CCDC90B: variants seen among roughly 807,000 people sequenced by gnomAD.
The protein encoded by CCDC90B is coiled-coil domain containing 90B, also known as coiled-coil domain-containing protein 90B, mitochondrial.
Under a neutral mutation model 37.0 loss-of-function variants are expected in CCDC90B, and 24 were observed. That is an observed-to-expected ratio of 0.65 (90% CI 0.47 to 0.91). The LOEUF is 0.91. Among genes scored for constraint, CCDC90B ranks in the 40% least tolerant of loss-of-function variants. The pLI, the probability that CCDC90B is intolerant of heterozygous loss-of-function variation, is 0.00. For missense variants in CCDC90B, 319 were observed against 299.0 expected (o/e 1.07, Z -0.49); for synonymous variants, 113 against 101.1 (o/e 1.12, Z -0.71).
chr11:83,261,818 T>TA lies in CCDC90B; in HGVS notation c.*92dup, dbSNP rs1565204955. 1.2e-6 allele frequency: 1 copy of TA among 843,442 alleles called. No individual in the cohort carries two copies. The highest frequency in any genetic ancestry group is 2.5e-5 in the East Asian group (1 of 39,726). The allele number at this position is 843,442 out of a possible 1,614,324, so 52.2% of individuals were successfully genotyped here. A position where few individuals can be genotyped will look rare whatever the true frequency, so the allele number is the denominator to read the frequency against. ...ATACACTTCGAATAATCTTGTGTAG[T>TA]AAATTTTTGCTGCAACTGACAATGT... On this transcript the variant is annotated 3_prime_UTR_variant, in exon 9 of 9. Coordinates refer to ENST00000529689, the MANE Select transcript of CCDC90B (RefSeq NM_021825.5).
Position 83,261,861 on chromosome 11 carries a change from C to A in CCDC90B, c.*50G>T. The A allele has an allele frequency of 7.5e-7, 1 of 1,328,962 alleles. No homozygotes were observed. The highest frequency in any genetic ancestry group is 1.1e-6 in the Non-Finnish European group (1 of 942,418). 82.3% of individuals were successfully genotyped at this position (1,328,962 alleles called of 1,614,324 possible). A position where few individuals can be genotyped will look rare whatever the true frequency, so the allele number is the denominator to read the frequency against. On this transcript the variant is annotated 3_prime_UTR_variant, in exon 9 of 9. Coordinates refer to ENST00000529689, the MANE Select transcript of CCDC90B (RefSeq NM_021825.5). ...GACAATGTTCAAAGTAAATCTCTCC[C>A]GGTTTGGTGTTCTAAGAAGCCAACA...
intron 8 of CCDC90B, among the ~76,000 whole-genome samples, chr11:83,265,067 C>G (rs1365605602): frequency 6.6e-6 from 1 of 151,888 alleles, no homozygotes; most frequent in Admixed American, 6.6e-5. Context: ...ATGTAACTAA[C>G]CTGCACATTG....
At chr11:83,285,264 C>A in intron 1 of CCDC90B, 1 of 1,277,760 alleles carries the variant, frequency 7.8e-7, no homozygotes, top group Non-Finnish European at 1.0e-6. Flanking sequence ...ACAACAAAAA[C>A]CTAGCCCTAG....
At chr11:83,283,459 A>G (rs1048208951) in intron 1 of CCDC90B, among the ~76,000 whole-genome samples, 2 of 152,236 alleles carry the variant, frequency 1.3e-5, no homozygotes, top group African/African-American at 2.4e-5. Flanking sequence ...ATTATTCCTT[A>G]TATGTGCTCA....
intron 1 of CCDC90B, among the ~76,000 whole-genome samples, chr11:83,280,950 T>C (rs977878297): frequency 6.6e-6 from 1 of 152,202 alleles, no homozygotes; most frequent in African/African-American, 2.4e-5. Context: ...CTAAGAAAAA[T>C]TTCTCATTTC....
intron 7 of CCDC90B, among the ~76,000 whole-genome samples, chr11:83,267,781 A>AAG (rs1864377448): frequency 6.6e-6 from 1 of 152,234 alleles, no homozygotes; most frequent in Non-Finnish European, 1.5e-5. Flanking sequence ...ACTCCTTAAG[A>AAG]AGAGCAACCC....
At position 83,279,173 on chromosome 11, in the gene CCDC90B, C is replaced by T. The variant is rs1447727773; in HGVS notation, c.221-344G>A. Among the ~76,000 whole-genome samples, 4 of 151,916 alleles carry T rather than the reference C, an allele frequency of 2.6e-5. No individual in the cohort carries two copies. The East Asian group carries it at 7.8e-4, about 29-fold the overall frequency. ...GCGGGCGCCCGTAGTCCCAGCTACT[C>T]GGGAGGCTGAGGCAGGAGAATGGTG... On this transcript the variant is annotated intron_variant, in intron 2 of 8. Coordinates refer to ENST00000529689, the MANE Select transcript of CCDC90B (RefSeq NM_021825.5).
chr11:83,262,855 T>A (rs1356699765), intron 8 of CCDC90B, among the ~76,000 whole-genome samples: 1 of 152,116 alleles, frequency 6.6e-6, no homozygotes, highest in African/African-American at 2.4e-5. Context: ...ACACTAAGAG[T>A]TTCTTGTCTT....
At position 83,286,233 on chromosome 11, in the gene CCDC90B, C is replaced by T. The variant is rs1865686632; in HGVS notation, c.-261G>A. On this transcript the variant is annotated 5_prime_UTR_variant, in exon 1 of 9. Transcript: ENST00000529689. ...CCCGACCTTTGAACGCCTTCACCGC[C>T]CTAGGAAAGCGAGATCTTGTCAGAG... is the stretch of plus-strand genomic sequence containing the variant. The T allele has an allele frequency of 1.3e-6, 2 of 1,503,760 alleles. No individual in the cohort carries two copies. Among genetic ancestry groups the T allele is most frequent in the Non-Finnish European group, 1.8e-6 (2 of 1,120,702 alleles). The allele number at this position is 1,503,760 out of a possible 1,614,324, so 93.2% of individuals were successfully genotyped here.
intron 1 of CCDC90B, among the ~76,000 whole-genome samples, chr11:83,281,285 T>C (rs1865366720): frequency 6.6e-6 from 1 of 152,226 alleles, no homozygotes; most frequent in African/African-American, 2.4e-5. Context: ...ATTCCTTCTT[T>C]ATATCCTTCT....
At position 83,286,107 on chromosome 11, in the gene CCDC90B, C is replaced by T. The variant is rs1433255527; in HGVS notation, c.-135G>A. ...GCTCTGTCACAAGCTCACCTCCCAGCGCAGGCGCCACCGTGGTCCCACGAA... is the reference window on the plus strand; with the variant it reads ...GCTCTGTCACAAGCTCACCTCCCAGTGCAGGCGCCACCGTGGTCCCACGAA... On this transcript the variant is annotated 5_prime_UTR_variant, in exon 1 of 9. Transcript: ENST00000529689. 2.0e-6 allele frequency: 3 copies of T among 1,536,632 alleles called. No individual in the cohort carries two copies. In the Admixed American group the frequency reaches 5.9e-5, roughly 30 times the overall value.
chr11:83,262,181 A>G (rs1041797864), intron 8 of CCDC90B, among the ~76,000 whole-genome samples: 1 of 152,186 alleles, frequency 6.6e-6, no homozygotes. Context: ...GTATATTAAA[A>G]TGTAAATTAT....
chr11:83,267,774 C>T (rs143178238), intron 7 of CCDC90B, among the ~76,000 whole-genome samples: 1 of 152,126 alleles, frequency 6.6e-6, no homozygotes, highest in African/African-American at 2.4e-5. Flanking sequence ...CAAAGATACT[C>T]CTTAAGAAGA....
chr11:83,285,808 C>A (rs1365011996), intron 1 of CCDC90B, 65 bp downstream of exon 1: 1 of 1,537,216 alleles, frequency 6.5e-7, no homozygotes, highest in Non-Finnish European at 8.7e-7. Context: ...CGAGCAGGCG[C>A]GACCCCACGG....
chr11:83,281,975 A>C (rs1865408024), intron 1 of CCDC90B, among the ~76,000 whole-genome samples: 1 of 152,194 alleles, frequency 6.6e-6, no homozygotes, highest in African/African-American at 2.4e-5. Flanking sequence ...AAATGCATTT[A>C]ATACACCTAA....
intron 7 of CCDC90B, chr11:83,267,157 A>C (rs1864332115): frequency 6.6e-6 from 1 of 152,262 alleles, no homozygotes; most frequent in Non-Finnish European, 1.5e-5. Flanking sequence ...GATGGGGAAA[A>C]ACCAGAGCAG....
intron 1 of CCDC90B, chr11:83,285,256 A>G: frequency 7.8e-7 from 1 of 1,281,984 alleles, no homozygotes; most frequent in Non-Finnish European, 1.0e-6. Flanking sequence ...CAACGACGAC[A>G]ACAAAAACCT....
chr11:83,263,534 A>G (rs1371881741), intron 8 of CCDC90B, among the ~76,000 whole-genome samples: 2 of 152,222 alleles, frequency 1.3e-5, no homozygotes, highest in Non-Finnish European at 2.9e-5. Context: ...ATTAGCTTTC[A>G]TTATTTATCT....
At chr11:83,285,789 C>T in intron 1 of CCDC90B, 84 bp downstream of exon 1, 13 of 1,510,416 alleles carry the variant, frequency 8.6e-6, no homozygotes, top group East Asian at 2.5e-5. Flanking sequence ...CCTTCTCTTC[C>T]CGTTCGCTCG....
Sources: allele counts gnomAD v4.1 joint callset (sites outside exome capture counted in the v4.1 genomes callset), GRCh38; gene constraint gnomAD v4.1.1; transcripts MANE v1.5; gene names NCBI Gene and HGNC (gene_info 2026-07-23, HGNC 2026-07-21).